Variants in RNF115 observed in about 807,000 individuals in gnomAD.
RNF115 encodes the protein ring finger protein 115.
In RNF115, 31 loss-of-function variants were observed where a neutral mutation model predicts 39.2. That is an observed-to-expected ratio of 0.79 (90% CI 0.59 to 1.07). The LOEUF is 1.07. RNF115 is among the 50% of genes least tolerant of loss of function. The pLI, the probability that RNF115 is intolerant of heterozygous loss-of-function variation, is 0.00. For synonymous variants in RNF115, 124 were observed against 131.0 expected (o/e 0.95, Z 0.37); for missense variants, 384 against 381.7 (o/e 1.01, Z -0.05).
At position 145,753,196 on chromosome 1, in the gene RNF115, C is replaced by T. The variant is rs111296422; in HGVS notation, c.429-147G>A. On this transcript the variant is annotated intron_variant, in intron 4 of 8. Transcript: ENST00000582693. Reference sequence around the variant, plus strand: ...ACAAGAGACAGCATCAGAAATCAGCCTGCCACACAGCGGTGTGCTATTTTG... The same window carrying T: ...ACAAGAGACAGCATCAGAAATCAGCTTGCCACACAGCGGTGTGCTATTTTG... 2.0e-4 allele frequency: 123 copies of T among 608,524 alleles called. 2 individuals carry two copies. The highest frequency in any genetic ancestry group is 1.6e-3 in the African/African-American group (85 of 54,538). 37.7% of individuals were successfully genotyped at this position (608,524 alleles called of 1,614,324 possible).
At chr1:145,802,180 T>A (rs1649277353) in intron 1 of RNF115, among the ~76,000 whole-genome samples, 1 of 152,172 alleles carries the variant, frequency 6.6e-6, no homozygotes, top group Non-Finnish European at 1.5e-5. Context: ...ACCCAACTGT[T>A]TCCACCAAAC....
intron 1 of RNF115, among the ~76,000 whole-genome samples, chr1:145,819,505 C>T (rs1388788486): frequency 2.2e-4 from 34 of 151,776 alleles, no homozygotes; most frequent in Admixed American, 3.9e-4. Context: ...CTGGACCAGA[C>T]GGACTCACAG....
At chr1:145,821,132 G>C in intron 1 of RNF115, among the ~76,000 whole-genome samples, 1 of 100,904 alleles carries the variant, frequency 9.9e-6, no homozygotes, top group South Asian at 3.5e-4. Flanking sequence ...CTTTTTCTAT[G>C]TTTGCCTTGT....
At chr1:145,766,678 C>CT (rs1647299310) in intron 4 of RNF115, among the ~76,000 whole-genome samples, 2 of 139,892 alleles carry the variant, frequency 1.4e-5, no homozygotes, top group Non-Finnish European at 1.6e-5. Context: ...GGGGGCTGAC[C>CT]CCCCCACCTC....
intron 2 of RNF115, among the ~76,000 whole-genome samples, chr1:145,787,674 G>T (rs1648452471): frequency 1.3e-5 from 2 of 151,922 alleles, no homozygotes; most frequent in African/African-American, 4.8e-5. Context: ...ATCACTTGAG[G>T]TCAGGAGTTC....
chr1:145,823,487 T>G (rs1650392564), intron 1 of RNF115, among the ~76,000 whole-genome samples: 1 of 131,160 alleles, frequency 7.6e-6, no homozygotes, highest in Admixed American at 7.8e-5. Context: ...AGGGGAGAGT[T>G]ATCAGAGGGA....
At chr1:145,762,485 A>ATTG (rs1215319595) in intron 4 of RNF115, among the ~76,000 whole-genome samples, 2 of 152,332 alleles carry the variant, frequency 1.3e-5, no homozygotes, top group East Asian at 3.9e-4. Flanking sequence ...ATCTTGAAAG[A>ATTG]TATATACAAT....
At chr1:145,775,541 A>G (rs1290127787) in intron 3 of RNF115, among the ~76,000 whole-genome samples, 2 of 151,668 alleles carry the variant, frequency 1.3e-5, no homozygotes, top group Admixed American at 6.6e-5. Context: ...GACTACAGGG[A>G]TGTACCATCA....
intron 1 of RNF115, among the ~76,000 whole-genome samples, chr1:145,798,289 T>G (rs1283140429): frequency 6.6e-6 from 1 of 152,142 alleles, no homozygotes; most frequent in East Asian, 1.9e-4. Flanking sequence ...CTTTTAGGAG[T>G]TTTACAGTTT....
chr1:145,791,486 T>A (rs1228527840), intron 1 of RNF115, among the ~76,000 whole-genome samples: 1 of 146,154 alleles, frequency 6.8e-6, no homozygotes, highest in Admixed American at 7.0e-5. Flanking sequence ...CACTCCAGCC[T>A]GGGCAACAAG....
Position 145,788,638 on chromosome 1 carries a change from T to G in RNF115, c.161+270A>C, listed in dbSNP as rs781935195. On this transcript the variant is annotated intron_variant, in intron 2 of 8. Coordinates refer to ENST00000582693, the MANE Select transcript of RNF115 (RefSeq NM_014455.4). ...AGATTTACTCTGACATGCGTACAGA[T>G]GTACATGGAATGCCACATACAATCA... The G allele has an allele frequency of 2.2e-5, 13 of 582,838 alleles. No individual in the cohort carries two copies. The African/African-American group carries it at 2.4e-4, about 11-fold the overall frequency. 36.1% of individuals were successfully genotyped at this position (582,838 alleles called of 1,614,324 possible).
chr1:145,772,057 A>G (rs1553715865), intron 3 of RNF115, 138 bp from the exon 4 acceptor site: 1 of 708,798 alleles, frequency 1.4e-6, no homozygotes, highest in African/African-American at 1.8e-5. Flanking sequence ...CAGAGTTTCT[A>G]TATTTTTGGT....
chr1:145,767,919 AGCAG>A lies in RNF115; in HGVS notation c.428+3788_428+3791del, dbSNP rs374577426. Among the ~76,000 whole-genome samples the A allele has an allele frequency of 2.0e-5, 3 of 151,236 alleles. No homozygotes were observed. In the South Asian group the frequency reaches 6.3e-4, roughly 32 times the overall value. ...GGAGGTTGCAGTGAGCCGAGATGGC[AGCAG>A]CACAGTCCAGCTTCGGCTCGGCATC... is the stretch of plus-strand genomic sequence containing the variant. On this transcript the variant is annotated intron_variant, in intron 4 of 8. Transcript: ENST00000582693.
chr1:145,815,344 C>G (rs1280281477), intron 1 of RNF115, among the ~76,000 whole-genome samples: 3 of 152,290 alleles, frequency 2.0e-5, no homozygotes, highest in African/African-American at 7.2e-5. Flanking sequence ...AACCTGATCT[C>G]TTCATCTGGA....
chr1:145,788,582 C>T (rs1553718440), intron 2 of RNF115, among the ~76,000 whole-genome samples: 1 of 152,130 alleles, frequency 6.6e-6, no homozygotes, highest in African/African-American at 2.4e-5. Context: ...AAGAGAAGCC[C>T]CAAGTCTCAG....
chr1:145,753,613 A>T (rs1009804688), intron 4 of RNF115, among the ~76,000 whole-genome samples: 1 of 152,232 alleles, frequency 6.6e-6, no homozygotes, highest in Non-Finnish European at 1.5e-5. Context: ...AGTTCTTTAC[A>T]CGAATGAGTC....
intron 8 of RNF115, among the ~76,000 whole-genome samples, chr1:145,747,229 A>G: frequency 6.6e-6 from 1 of 152,326 alleles, no homozygotes; most frequent in Middle Eastern, 3.4e-3. Context: ...CCAGCAAGTT[A>G]ATAACAGCTA....
chr1:145,750,467 G>C lies in RNF115; in HGVS notation c.607C>G (p.Pro203Ala), dbSNP rs1559102700. 1 of 1,614,024 alleles carries C rather than the reference G, an allele frequency of 6.2e-7. No individual in the cohort carries two copies. The highest frequency in any genetic ancestry group is 1.6e-4 in the Middle Eastern group (1 of 6,062). The change falls in exon 7 of 9, where the codon CCA becomes GCA. Residue 203 changes from proline (P) to alanine (A), a missense_variant. Coordinates refer to ENST00000582693, the MANE Select transcript of RNF115 (RefSeq NM_014455.4). Reference protein sequence around the residue: ...LGQLENTGPPPADKEKITSLP... With the variant: ...LGQLENTGPPAADKEKITSLP... The stretch of plus-strand genomic sequence containing the variant: ...GATGTGATCTTTTCCTTGTCAGCTG[G>C]GGGAGGGCCTGTGTTTTCCAGTTGT...
At chr1:145,801,521 G>T (rs1292243910) in intron 1 of RNF115, among the ~76,000 whole-genome samples, 1 of 151,988 alleles carries the variant, frequency 6.6e-6, no homozygotes, top group African/African-American at 2.4e-5. Context: ...GTGAAAGAGT[G>T]AGACTCCATG....
Sources: allele counts gnomAD v4.1 joint callset (sites outside exome capture counted in the v4.1 genomes callset), GRCh38; gene constraint gnomAD v4.1.1; transcripts MANE v1.5; gene names NCBI Gene and HGNC (gene_info 2026-07-23, HGNC 2026-07-21).